Variants in NSMAF observed in about 807,000 individuals in gnomAD.
NSMAF encodes protein FAN.
NSMAF carries 90 observed loss-of-function variants against 134.9 expected under a neutral mutation model. The ratio of observed to expected loss-of-function variants is 0.67; its 90% CI spans 0.56 to 0.79. The LOEUF is 0.79. Among genes scored for constraint, NSMAF ranks in the 30% least tolerant of loss-of-function variants. The pLI is 0.00. For synonymous variants in NSMAF, 358 were observed against 389.6 expected (o/e 0.92, Z 0.96); for missense variants, 1,010 against 1,119.0 (o/e 0.90, Z 1.39).
At chr8:58,647,111 A>G (rs1344414845) in intron 1 of NSMAF, among the ~76,000 whole-genome samples, 2 of 152,234 alleles carry the variant, frequency 1.3e-5, no homozygotes, top group Non-Finnish European at 2.9e-5. Flanking sequence ...TTTCTCTAAC[A>G]GGCTTCACTG....
chr8:58,607,885 A>G (rs758901641), intron 10 of NSMAF, 45 bp from the exon 11 acceptor site: 15 of 1,492,402 alleles, frequency 1.0e-5, no homozygotes, highest in Admixed American at 1.7e-5. Context: ...GTTCTGACAC[A>G]ATTAGAAGTT....
chr8:58,614,952 T>C (rs554604940), intron 9 of NSMAF, among the ~76,000 whole-genome samples: 1 of 152,214 alleles, frequency 6.6e-6, no homozygotes, highest in South Asian at 2.1e-4. Flanking sequence ...TTAAAGTATA[T>C]ATATTTTTTA....
chr8:58,620,998 T>C (rs975037090), intron 9 of NSMAF, among the ~76,000 whole-genome samples: 11 of 152,204 alleles, frequency 7.2e-5, no homozygotes, highest in East Asian at 3.8e-4. Context: ...GTTTGTTACA[T>C]AGATAAAATA....
chr8:58,637,853 A>T (rs925164545), intron 2 of NSMAF, among the ~76,000 whole-genome samples: 1 of 152,216 alleles, frequency 6.6e-6, no homozygotes, highest in African/African-American at 2.4e-5. Context: ...ACTGAAGTAG[A>T]CACAAATAAA....
intron 5 of NSMAF, among the ~76,000 whole-genome samples, chr8:58,633,121 C>G (rs1807093543): frequency 6.6e-6 from 1 of 152,230 alleles, no homozygotes; most frequent in African/African-American, 2.4e-5. Context: ...CACCCCTTCT[C>G]TTTCAGCTCT....
intron 2 of NSMAF, among the ~76,000 whole-genome samples, chr8:58,642,217 T>A (rs544553339): frequency 1.3e-5 from 2 of 152,358 alleles, no homozygotes; most frequent in South Asian, 4.1e-4. Context: ...TAAGTGGATT[T>A]ATCTACTGTC....
chr8:58,612,077 CAT>C (rs758538409), intron 9 of NSMAF, among the ~76,000 whole-genome samples: 3 of 152,188 alleles, frequency 2.0e-5, no homozygotes, highest in Non-Finnish European at 4.4e-5. Flanking sequence ...TGATTCCTGA[CAT>C]AGACCTCCTA....
intron 24 of NSMAF, 147 bp from the exon 25 acceptor site, chr8:58,590,221 G>T: frequency 1.5e-6 from 1 of 681,456 alleles, no homozygotes. Flanking sequence ...TTCTCAACTG[G>T]CTAATTCCAG....
At chr8:58,589,410 T>G (rs757321184) in intron 26 of NSMAF, 42 bp downstream of exon 26, 39 of 1,410,830 alleles carry the variant, frequency 2.8e-5, no homozygotes, top group Admixed American at 8.6e-5. Context: ...ATATGCCATA[T>G]AGCACACCAA....
chr8:58,623,301 T>TGA (rs151015572), intron 8 of NSMAF, 29 bp from the exon 9 acceptor site: 7 of 683,302 alleles, frequency 1.0e-5, no homozygotes, highest in South Asian at 4.8e-5. Context: ...AAAAAAAGTA[T>TGA]TTATAAGTAT....
intron 2 of NSMAF, among the ~76,000 whole-genome samples, 196 bp from the exon 3 acceptor site, chr8:58,635,742 C>G (rs183086922): frequency 9.8e-5 from 15 of 152,290 alleles, no homozygotes; most frequent in Admixed American, 8.5e-4. Flanking sequence ...TTGGCATTTA[C>G]AATTCAAATG....
chr8:58,656,978 T>C (rs1807729951), intron 1 of NSMAF, among the ~76,000 whole-genome samples: 1 of 152,222 alleles, frequency 6.6e-6, no homozygotes, highest in Non-Finnish European at 1.5e-5. Flanking sequence ...AAATTATTCA[T>C]TGTTTATCTG....
chr8:58,656,255 G>A (rs1807708051), intron 1 of NSMAF, among the ~76,000 whole-genome samples: 1 of 151,980 alleles, frequency 6.6e-6, no homozygotes, highest in African/African-American at 2.4e-5. Context: ...GCCTGCCTTG[G>A]CCTCCCAAAA....
chr8:58,608,497 C>G (rs1046839807), intron 10 of NSMAF, among the ~76,000 whole-genome samples: 3 of 152,152 alleles, frequency 2.0e-5, no homozygotes, highest in African/African-American at 7.2e-5. Flanking sequence ...AGAGGTCAGT[C>G]TGTCCAACAG....
chr8:58,639,407 T>C (rs1463481564), intron 2 of NSMAF, among the ~76,000 whole-genome samples: 1 of 152,172 alleles, frequency 6.6e-6, no homozygotes, highest in African/African-American at 2.4e-5. Context: ...CATTAAGCTA[T>C]TGCTTCACAC....
chr8:58,584,114 G>C lies in NSMAF; in HGVS notation c.2746C>G (p.Gln916Glu). The C allele has an allele frequency of 1.2e-6, 2 of 1,611,092 alleles. No homozygotes were observed. The highest frequency in any genetic ancestry group is 1.7e-6 in the Non-Finnish European group (2 of 1,177,340). The change falls in exon 31 of 31, where the codon CAG (glutamine) becomes GAG (glutamate). Residue 916 changes from glutamine (Q) to glutamate (E), a missense_variant. By Grantham distance (29) the Gln-to-Glu change is conservative. Transcript: ENST00000038176. Reference protein sequence around the residue: ...EDRQIIFWKLQY With the variant: ...EDRQIIFWKLEY ...AGGAGAGGAAAAGGCACTTAATACT[G>C]CAATTTCCAGAATATAATTTGTCTG...
intron 5 of NSMAF, among the ~76,000 whole-genome samples, chr8:58,634,515 C>T (rs974927708): frequency 4.6e-5 from 7 of 152,182 alleles, no homozygotes; most frequent in African/African-American, 7.2e-5. Flanking sequence ...CTTCTCTGAA[C>T]ACTTCAACAC....
chr8:58,621,434 T>C (rs1806786439), intron 9 of NSMAF, among the ~76,000 whole-genome samples: 1 of 152,204 alleles, frequency 6.6e-6, no homozygotes, highest in African/African-American at 2.4e-5. Context: ...TGCATGTATC[T>C]TTATGGTAGA....
At position 58,597,492 on chromosome 8, in the gene NSMAF, T is replaced by G. The variant is rs765512244; in HGVS notation, c.1687A>C (p.Thr563Pro). The change falls in exon 21 of 31, where the codon ACA (threonine) becomes CCA (proline). Residue 563 changes from threonine (T) to proline (P), a missense_variant. Transcript: ENST00000038176. ...GGTGTCACAAATAGTTGTTTTGGTGTCTGCCCAAATTCCAAGATTTGCGTA... is the reference window on the plus strand; with the variant it reads ...GGTGTCACAAATAGTTGTTTTGGTGGCTGCCCAAATTCCAAGATTTGCGTA... ...MLTQILEFGQ[T>P]PKQLFVTPHP... 6.2e-7 allele frequency: 1 copy of G among 1,614,096 alleles called. No homozygotes were observed.
Sources: gnomAD v4.1 joint callset for allele counts (sites outside exome capture counted in the v4.1 genomes callset) on GRCh38, gnomAD v4.1.1 for gene constraint, MANE v1.5 for transcripts, NCBI Gene and HGNC (gene_info 2026-07-23, HGNC 2026-07-21) for gene names.